CEP83: variants seen among roughly 807,000 people sequenced by gnomAD.
CEP83 encodes the protein centrosomal protein of 83 kDa.
A neutral mutation model predicts 101.9 loss-of-function variants in CEP83; 70 were observed. The ratio of observed to expected loss-of-function variants is 0.69; its 90% CI spans 0.57 to 0.84. The LOEUF is 0.84. CEP83 is among the 40% of genes least tolerant of loss of function. The probability of loss-of-function intolerance (pLI) is 0.00; values close to 1 mark genes in which losing one functional copy is unlikely to be tolerated. For missense variants in CEP83, 715 were observed against 787.2 expected (o/e 0.91, Z 1.10); for synonymous variants, 264 against 267.9 (o/e 0.99, Z 0.14).
chr12:94,440,912 C>A (rs2066353241), intron 1 of CEP83, among the ~76,000 whole-genome samples: 1 of 152,170 alleles, frequency 6.6e-6, no homozygotes, highest in East Asian at 1.9e-4. Context: ...ACAAAGCAAA[C>A]AAAAACATAA....
At chr12:94,293,588 A>G in the CEP83 span, among the ~76,000 whole-genome samples, 1 of 152,138 alleles carries the variant, frequency 6.6e-6, no homozygotes, top group Non-Finnish European at 1.5e-5. Flanking sequence ...AGTGGAAAGC[A>G]GAGGGGACCA....
chr12:94,406,741 G>A (rs891809268), intron 4 of CEP83, among the ~76,000 whole-genome samples: 1 of 152,036 alleles, frequency 6.6e-6, no homozygotes, highest in Non-Finnish European at 1.5e-5. Context: ...CTAACATGGT[G>A]AAACCCCATG....
At chr12:94,361,074 C>G (rs759271010) in intron 11 of CEP83, 4 of 151,916 alleles carry the variant, frequency 2.6e-5, no homozygotes, top group Non-Finnish European at 2.9e-5. Flanking sequence ...AAAACTAGAT[C>G]CATCTCTCAT....
intron 15 of CEP83, among the ~76,000 whole-genome samples, chr12:94,312,393 A>T (rs1419049089): frequency 1.3e-5 from 2 of 152,230 alleles, no homozygotes; most frequent in African/African-American, 4.8e-5. Flanking sequence ...CACTAAATTA[A>T]AAAGATTTTT....
intron 1 of CEP83, among the ~76,000 whole-genome samples, chr12:94,440,154 C>G (rs535556747): frequency 6.4e-4 from 97 of 152,264 alleles, no homozygotes; most frequent in African/African-American, 2.2e-3. Flanking sequence ...TTCACCACTT[C>G]TATTCAACAC....
At chr12:94,330,907 T>C (rs1191661799) in intron 14 of CEP83, among the ~76,000 whole-genome samples, 1 of 152,208 alleles carries the variant, frequency 6.6e-6, no homozygotes, top group Non-Finnish European at 1.5e-5. Flanking sequence ...AATTTATTTC[T>C]GCAAGGTTGA....
intron 3 of CEP83, 100 bp from the exon 4 acceptor site, chr12:94,411,947 A>G: frequency 2.3e-6 from 2 of 861,482 alleles, no homozygotes; most frequent in East Asian, 2.5e-5. Context: ...AACAAGACCA[A>G]TATCACACAT....
intron 2 of CEP83, chr12:94,423,951 G>A: frequency 5.6e-6 from 9 of 1,612,770 alleles, no homozygotes; most frequent in Non-Finnish European, 6.8e-6. Context: ...TGCTGGGTAA[G>A]GGGTCCCATC....
chr12:94,273,996 G>A, the CEP83 span, among the ~76,000 whole-genome samples: 7 of 151,650 alleles, frequency 4.6e-5, no homozygotes, highest in South Asian at 4.2e-4. Context: ...GGCTGCCACC[G>A]CTCCAAGCGC....
chr12:94,377,429 G>A (rs1356036960), intron 7 of CEP83, among the ~76,000 whole-genome samples: 1 of 152,016 alleles, frequency 6.6e-6, no homozygotes, highest in East Asian at 1.9e-4. Context: ...TCACACCATC[G>A]GACAGTCAAA....
At chr12:94,433,614 C>G (rs371691905) in intron 2 of CEP83, among the ~76,000 whole-genome samples, 1 of 150,832 alleles carries the variant, frequency 6.6e-6, no homozygotes, top group African/African-American at 2.4e-5. Context: ...CCAGGAGGGT[C>G]GAGGCTGCAG....
chr12:94,424,292 T>G, intron 2 of CEP83: 1 of 1,614,224 alleles, frequency 6.2e-7, no homozygotes, highest in Non-Finnish European at 8.5e-7. Flanking sequence ...TCCTTGGTTC[T>G]GTCGTTTCTT....
chr12:94,334,942 G>A (rs954086864), intron 12 of CEP83, among the ~76,000 whole-genome samples: 1 of 152,042 alleles, frequency 6.6e-6, no homozygotes, highest in Non-Finnish European at 1.5e-5. Context: ...CAAACGTTAT[G>A]TCCATCTAGT....
chr12:94,277,635 C>T, the CEP83 span: 189,522 of 306,936 alleles, frequency 0.62, 58,926 homozygotes, highest in Middle Eastern at 0.68. Context: ...TACTGGCTTC[C>T]ACTGGGTTCA....
At chr12:94,435,849 A>G (rs1303435797) in intron 1 of CEP83, among the ~76,000 whole-genome samples, 3 of 152,146 alleles carry the variant, frequency 2.0e-5, no homozygotes, top group African/African-American at 2.4e-5. Context: ...TGCCACCTCC[A>G]CTACAGCAGG....
chr12:94,445,272 TAC>T (rs3069395), intron 1 of CEP83, among the ~76,000 whole-genome samples: 72 of 150,196 alleles, frequency 4.8e-4, no homozygotes, highest in African/African-American at 1.1e-3. Context: ...GCCTTTTCCA[TAC>T]ACACACACAC....
chr12:94,270,094 T>C, the CEP83 span, among the ~76,000 whole-genome samples: 72 of 152,342 alleles, frequency 4.7e-4, no homozygotes, highest in African/African-American at 1.7e-3. Context: ...TTATTTATAT[T>C]TGTACCCCTC....
chr12:94,443,731 C>T (rs578022651), intron 1 of CEP83, among the ~76,000 whole-genome samples: 1 of 152,116 alleles, frequency 6.6e-6, no homozygotes, highest in Non-Finnish European at 1.5e-5. Flanking sequence ...AAGTGATCCA[C>T]CCACCTTGGC....
the CEP83 span, among the ~76,000 whole-genome samples, chr12:94,292,013 C>T: frequency 2.6e-5 from 4 of 152,152 alleles, no homozygotes; most frequent in Admixed American, 1.3e-4. Context: ...GGCTTCTTCG[C>T]GTGTTTTTGC....
Sources: allele counts gnomAD v4.1 joint callset (sites outside exome capture counted in the v4.1 genomes callset), GRCh38; gene constraint gnomAD v4.1.1; transcripts MANE v1.5; gene names NCBI Gene and HGNC (gene_info 2026-07-23, HGNC 2026-07-21).